Variants in DCC observed in about 807,000 individuals in gnomAD.
The protein encoded by DCC is DCC netrin 1 receptor, also known as netrin receptor DCC.
A neutral mutation model predicts 172.5 loss-of-function variants in DCC; 58 were observed. That is an observed-to-expected ratio of 0.34 (90% CI 0.27 to 0.42). DCC has a LOEUF of 0.42. Among genes scored for constraint, DCC ranks in the 10% least tolerant of loss-of-function variants. The probability of loss-of-function intolerance (pLI) is 1.00; values close to 1 mark genes in which losing one functional copy is unlikely to be tolerated. For missense variants in DCC, 1,740 were observed against 1,791.0 expected, an observed-to-expected ratio of 0.97 and a Z score of 0.51; for synonymous variants, 709 against 644.5, an observed-to-expected ratio of 1.10 and a Z score of -1.52.
At chr18:52,491,178 T>C (rs1050513971) in intron 1 of DCC, among the ~76,000 whole-genome samples, 8 of 152,068 alleles carry the variant, frequency 5.3e-5, no homozygotes, top group Admixed American at 4.6e-4. Flanking sequence ...CATTTATTCA[T>C]TGATCCATTA....
At chr18:52,746,410 T>C (rs966508590) in intron 1 of DCC, among the ~76,000 whole-genome samples, 1 of 152,218 alleles carries the variant, frequency 6.6e-6, no homozygotes, top group Non-Finnish European at 1.5e-5. Context: ...AGCTACTTCT[T>C]ATAAATTTCA....
intron 13 of DCC, among the ~76,000 whole-genome samples, chr18:53,320,323 C>T (rs986231122): frequency 2.6e-5 from 4 of 152,054 alleles, no homozygotes; most frequent in Admixed American, 2.6e-4. Flanking sequence ...CCGCCCGCCT[C>T]GGCCTCCCAA....
intron 1 of DCC, among the ~76,000 whole-genome samples, chr18:52,746,739 GT>G (rs1302503337): frequency 1.3e-5 from 2 of 151,302 alleles, no homozygotes; most frequent in African/African-American, 4.9e-5. Flanking sequence ...AACTTGAAAT[GT>G]CTTTGGCAAT....
At chr18:52,346,962 T>C (rs1983905722) in intron 1 of DCC, among the ~76,000 whole-genome samples, 1 of 152,196 alleles carries the variant, frequency 6.6e-6, no homozygotes, top group Admixed American at 6.5e-5. Flanking sequence ...CATTTGTGGT[T>C]ATGATGATGA....
Position 52,927,129 on chromosome 18 carries a change from G to GTGTA in DCC, c.985+1760_985+1761insGTAT, listed in dbSNP as rs1568192119. On this transcript the variant is annotated intron_variant, in intron 5 of 28. Transcript: ENST00000442544. ...TACACGTATATACGTGTATATACAC[G>GTGTA]TATATACGTGTATATATGTGTATAT... is the stretch of plus-strand genomic sequence containing the variant. Among the ~76,000 whole-genome samples the GTGTA allele has an allele frequency of 7.6e-3, 378 of 49,652 alleles. 24 individuals are homozygous for GTGTA. Among genetic ancestry groups the GTGTA allele is most frequent in the African/African-American group, 0.02 (305 of 15,438 alleles). 32.6% of individuals were successfully genotyped at this position (49,652 alleles called of 152,430 possible).
chr18:53,207,654 C>T (rs1460751340), intron 10 of DCC, 25 bp from the exon 11 acceptor site: 1 of 1,609,322 alleles, frequency 6.2e-7, no homozygotes, highest in African/African-American at 1.3e-5. Flanking sequence ...TCCTTGATAA[C>T]AGTTTTGGTG....
chr18:52,892,760 G>A (rs553533583), intron 2 of DCC, among the ~76,000 whole-genome samples: 1 of 152,218 alleles, frequency 6.6e-6, no homozygotes, highest in African/African-American at 2.4e-5. Context: ...AGAGAAGGTT[G>A]AAAATCACAC....
intron 12 of DCC, among the ~76,000 whole-genome samples, chr18:53,242,189 G>A (rs1004489473): frequency 5.9e-5 from 9 of 152,118 alleles, no homozygotes; most frequent in African/African-American, 1.9e-4. Flanking sequence ...TACAGCAGCT[G>A]CAAATTTCAA....
intron 7 of DCC, among the ~76,000 whole-genome samples, chr18:53,091,177 A>C (rs925291925): frequency 6.6e-6 from 1 of 151,820 alleles, no homozygotes; most frequent in Non-Finnish European, 1.5e-5. Flanking sequence ...ACTTCCAATA[A>C]ATTTGATGCT....
At chr18:52,943,686 A>G (rs934085927) in intron 5 of DCC, among the ~76,000 whole-genome samples, 2 of 151,952 alleles carry the variant, frequency 1.3e-5, no homozygotes, top group African/African-American at 2.4e-5. Flanking sequence ...TGTAGAGGAT[A>G]TTCTGAGTTT....
chr18:52,572,344 C>A (rs1445068087), intron 1 of DCC, among the ~76,000 whole-genome samples: 1 of 152,124 alleles, frequency 6.6e-6, no homozygotes, highest in African/African-American at 2.4e-5. Flanking sequence ...TTTTTTACTG[C>A]CCTGTCCCAT....
At chr18:52,922,341 C>A (rs1015069451) in intron 3 of DCC, among the ~76,000 whole-genome samples, 4 of 152,126 alleles carry the variant, frequency 2.6e-5, no homozygotes, top group Admixed American at 6.6e-5. Flanking sequence ...CTGTGATATA[C>A]CTGTGTGGAG....
intron 2 of DCC, among the ~76,000 whole-genome samples, chr18:52,839,721 C>T (rs544032899): frequency 3.2e-4 from 49 of 152,330 alleles, no homozygotes; most frequent in African/African-American, 1.1e-3. Flanking sequence ...TTCTGAGAGT[C>T]TGTGCTTTTC....
chr18:53,384,505 C>T (rs913337105), intron 15 of DCC, among the ~76,000 whole-genome samples: 13 of 152,004 alleles, frequency 8.6e-5, no homozygotes, highest in African/African-American at 3.1e-4. Context: ...TCACTTTCTC[C>T]TGAATCCTTT....
intron 1 of DCC, among the ~76,000 whole-genome samples, chr18:52,513,277 A>T (rs1040131156): frequency 6.6e-6 from 1 of 152,216 alleles, no homozygotes; most frequent in Non-Finnish European, 1.5e-5. Context: ...GCAATGCACC[A>T]TTCTAAACCA....
chr18:52,885,280 A>T (rs1409908730), intron 2 of DCC, among the ~76,000 whole-genome samples: 1 of 152,098 alleles, frequency 6.6e-6, no homozygotes, highest in African/African-American at 2.4e-5. Context: ...AGGTCCAGGG[A>T]TGCTGTCTAG....
intron 21 of DCC, among the ~76,000 whole-genome samples, chr18:53,424,846 A>T (rs536116816): frequency 6.6e-6 from 1 of 152,106 alleles, no homozygotes; most frequent in Non-Finnish European, 1.5e-5. Flanking sequence ...GGCTTTTGCT[A>T]TTTCTCTCTG....
chr18:53,515,461 G>A (rs1271735841), intron 27 of DCC, among the ~76,000 whole-genome samples: 6 of 149,988 alleles, frequency 4.0e-5, no homozygotes, highest in African/African-American at 1.5e-4. Flanking sequence ...CAATTAGGCA[G>A]GAGAAGGAAA....
intron 7 of DCC, among the ~76,000 whole-genome samples, chr18:53,081,239 A>G (rs1240716016): frequency 6.6e-6 from 1 of 152,052 alleles, no homozygotes; most frequent in East Asian, 1.9e-4. Flanking sequence ...ATATGGATTT[A>G]TGTAATGAGT....
Sources: allele counts gnomAD v4.1 joint callset (sites outside exome capture counted in the v4.1 genomes callset), GRCh38; gene constraint gnomAD v4.1.1; transcripts MANE v1.5; gene names NCBI Gene and HGNC (gene_info 2026-07-23, HGNC 2026-07-21).